The following SUCLG2 variants were observed in gnomAD, a reference collection of about 807,000 sequenced individuals.
SUCLG2 encodes succinate--CoA ligase [GDP-forming] subunit beta, mitochondrial.
SUCLG2 carries 42 observed loss-of-function variants against 47.9 expected under a neutral mutation model. That is an observed-to-expected ratio of 0.88 (90% CI 0.69 to 1.14). SUCLG2 has a LOEUF of 1.14. Among genes scored for constraint, SUCLG2 ranks in the 50% most tolerant of loss-of-function variants. SUCLG2 has a pLI of 0.00. For synonymous variants in SUCLG2, 195 were observed against 197.3 expected (o/e 0.99, Z 0.10); for missense variants, 571 against 525.9 (o/e 1.09, Z -0.84).
intron 9 of SUCLG2, among the ~76,000 whole-genome samples, chr3:67,405,791 G>C (rs1253157330): frequency 6.6e-6 from 1 of 152,160 alleles, no homozygotes; most frequent in Non-Finnish European, 1.5e-5. Flanking sequence ...GTTGATATAT[G>C]AATAGCTATC....
downstream of SUCLG2, among the ~76,000 whole-genome samples, chr3:67,369,920 A>G (rs559592060): frequency 7.4e-4 from 112 of 152,202 alleles, no homozygotes; most frequent in Non-Finnish European, 1.3e-3. Flanking sequence ...GAAACGTTAT[A>G]CTGATTACAT....
intron 9 of SUCLG2, among the ~76,000 whole-genome samples, chr3:67,488,250 G>C (rs1410707118): frequency 6.6e-6 from 1 of 152,026 alleles, no homozygotes; most frequent in East Asian, 1.9e-4. Flanking sequence ...AAGGACAAAA[G>C]ACTATTTAGC....
At chr3:67,591,703 GT>G (rs1708171386) in intron 2 of SUCLG2, among the ~76,000 whole-genome samples, 2 of 152,134 alleles carry the variant, frequency 1.3e-5, no homozygotes, top group African/African-American at 4.8e-5. Context: ...TTTCTTCCCA[GT>G]CTCGGGTATG....
At chr3:67,400,086 C>T (rs1482710636) in intron 10 of SUCLG2, among the ~76,000 whole-genome samples, 2 of 151,986 alleles carry the variant, frequency 1.3e-5, no homozygotes, top group Non-Finnish European at 2.9e-5. Context: ...GTCTGTGAGG[C>T]CAGATTTTCT....
intron 9 of SUCLG2, among the ~76,000 whole-genome samples, chr3:67,431,960 T>C (rs894122915): frequency 5.3e-5 from 8 of 152,242 alleles, no homozygotes; most frequent in Non-Finnish European, 7.4e-5. Flanking sequence ...GGTGGCTCAA[T>C]TGGGCACTGG....
chr3:67,373,941 G>C (rs1416529097), downstream of SUCLG2, among the ~76,000 whole-genome samples: 1 of 152,070 alleles, frequency 6.6e-6, no homozygotes, highest in Non-Finnish European at 1.5e-5. Context: ...AAAATAAAAG[G>C]CTATTTCCTT....
chr3:67,368,236 C>G (rs1701901118), intron 10 of SUCLG2, among the ~76,000 whole-genome samples: 1 of 152,176 alleles, frequency 6.6e-6, no homozygotes, highest in Admixed American at 6.5e-5. Context: ...ATTTGTTCAT[C>G]TGCATGTTTA....
At chr3:67,454,961 C>CAAAAAAAAAAAA (rs61683854) in intron 9 of SUCLG2, among the ~76,000 whole-genome samples, 2 of 111,616 alleles carry the variant, frequency 1.8e-5, no homozygotes, top group African/African-American at 7.2e-5. Flanking sequence ...GACTCCGTCT[C>CAAAAAAAAAAAA]AAAAAAAAAA....
intron 9 of SUCLG2, among the ~76,000 whole-genome samples, chr3:67,474,052 T>C (rs1448940144): frequency 6.6e-6 from 1 of 151,986 alleles, no homozygotes; most frequent in Non-Finnish European, 1.5e-5. Context: ...GGTCAGGAGA[T>C]CAAGACCATC....
intron 9 of SUCLG2, among the ~76,000 whole-genome samples, chr3:67,490,476 T>C (rs1449169993): frequency 1.3e-5 from 2 of 152,210 alleles, no homozygotes; most frequent in African/African-American, 4.8e-5. Context: ...CAAACATGAA[T>C]TTAATCCTCC....
At chr3:67,643,118 TA>T (rs1407246019) in intron 1 of SUCLG2, among the ~76,000 whole-genome samples, 1 of 152,176 alleles carries the variant, frequency 6.6e-6, no homozygotes, top group Non-Finnish European at 1.5e-5. Flanking sequence ...AAGTCTACAA[TA>T]ATCATAAAAA....
At position 67,366,900 on chromosome 3, in the gene SUCLG2, C is replaced by T. The variant is rs1253497034; in HGVS notation, c.1184-6132G>A. On this transcript the variant is annotated intron_variant, in intron 10 of 10. Coordinates refer to the SUCLG2 transcript ENST00000493112. ...TAGCAAGCTTCACCCCCATGAAACA[C>T]CTCAATATAGATCAACATACTGTTT... 5.9e-5 allele frequency among the ~76,000 whole-genome samples: 9 copies of T among 152,240 alleles called. No homozygotes were observed. In the South Asian group the frequency reaches 1.9e-3, roughly 32 times the overall value.
chr3:67,499,720 G>GTTTATTTATTTATTTATTTA (rs561344998), intron 7 of SUCLG2, among the ~76,000 whole-genome samples: 2 of 150,746 alleles, frequency 1.3e-5, no homozygotes, highest in African/African-American at 2.5e-5. Context: ...TTGTTTGTTT[G>GTTTATTTATTTATTTATTTA]TTTATTTATT....
At chr3:67,457,336 T>C (rs1704210686) in intron 9 of SUCLG2, among the ~76,000 whole-genome samples, 1 of 152,306 alleles carries the variant, frequency 6.6e-6, no homozygotes. Context: ...TGCTCTAAAG[T>C]GATACATGGA....
chr3:67,625,481 C>T (rs1243050295), intron 1 of SUCLG2, among the ~76,000 whole-genome samples: 1 of 152,098 alleles, frequency 6.6e-6, no homozygotes, highest in East Asian at 1.9e-4. Context: ...GTAGATCCAG[C>T]CAGCATCTAA....
Position 67,516,934 on chromosome 3 carries a change from T to C in SUCLG2, c.660+1313A>G, listed in dbSNP as rs1341875259. Among the ~76,000 whole-genome samples, 5 of 152,310 alleles carry C rather than the reference T, an allele frequency of 3.3e-5. No homozygotes were observed. In the South Asian group the frequency reaches 8.3e-4, roughly 25 times the overall value. On this transcript the variant is annotated intron_variant, in intron 6 of 10. Transcript: ENST00000307227. The stretch of plus-strand genomic sequence containing the variant: ...ATAAACATCAAATGAATGGCTAATG[T>C]AGCTGGTATCCTCATTCTCAGGAGG...
At chr3:67,404,742 C>G (rs1702764779) in intron 9 of SUCLG2, among the ~76,000 whole-genome samples, 1 of 152,148 alleles carries the variant, frequency 6.6e-6, no homozygotes, top group African/African-American at 2.4e-5. Flanking sequence ...GGGCCAACTT[C>G]TATAATTAAC....
intron 10 of SUCLG2, among the ~76,000 whole-genome samples, chr3:67,394,248 A>G (rs1338762684): frequency 6.6e-6 from 1 of 152,154 alleles, no homozygotes; most frequent in African/African-American, 2.4e-5. Flanking sequence ...AATTCAAACC[A>G]AAGGCAAAGA....
At chr3:67,390,554 C>G (rs1254810315) in intron 10 of SUCLG2, among the ~76,000 whole-genome samples, 1 of 152,090 alleles carries the variant, frequency 6.6e-6, no homozygotes, top group Admixed American at 6.5e-5. Context: ...GTTCAAAAGA[C>G]TCTTGCGTGA....
Sources: allele counts gnomAD v4.1 joint callset (sites outside exome capture counted in the v4.1 genomes callset), GRCh38; gene constraint gnomAD v4.1.1; transcripts MANE v1.5; gene names NCBI Gene and HGNC (gene_info 2026-07-23, HGNC 2026-07-21).